Variants in GPR63 observed in about 807,000 individuals in gnomAD.
GPR63 encodes G protein-coupled receptor 63.
A neutral mutation model predicts 23.1 loss-of-function variants in GPR63; 12 were observed. The ratio of observed to expected loss-of-function variants is 0.52; its 90% CI spans 0.33 to 0.84. The LOEUF is 0.84. GPR63 is among the 40% of genes least tolerant of loss of function. The pLI, the probability that GPR63 is intolerant of heterozygous loss-of-function variation, is 0.02. For synonymous variants in GPR63, 172 were observed against 191.1 expected (o/e 0.90, Z 0.82); for missense variants, 472 against 515.6 (o/e 0.92, Z 0.82).
intron 1 of GPR63, among the ~76,000 whole-genome samples, chr6:96,829,360 A>C (rs2127960334): frequency 6.6e-6 from 1 of 152,302 alleles, no homozygotes; most frequent in East Asian, 1.9e-4. Context: ...AGAAATTAGG[A>C]AACATGATTC....
At chr6:96,803,330 C>T (rs1773819055) in intron 1 of GPR63, among the ~76,000 whole-genome samples, 1 of 152,190 alleles carries the variant, frequency 6.6e-6, no homozygotes, top group African/African-American at 2.4e-5. Flanking sequence ...ATATGGAAGC[C>T]TACCCACTGT....
chr6:96,832,673 A>G (rs761973473), intron 1 of GPR63, among the ~76,000 whole-genome samples: 8 of 152,142 alleles, frequency 5.3e-5, no homozygotes, highest in Non-Finnish European at 1.0e-4. Flanking sequence ...ATCAGGAAAA[A>G]TAACTAATGG....
At chr6:96,827,859 G>C (rs183384496) in intron 1 of GPR63, among the ~76,000 whole-genome samples, 1 of 151,896 alleles carries the variant, frequency 6.6e-6, no homozygotes, top group East Asian at 1.9e-4. Flanking sequence ...CTCAGTAAAG[G>C]AAAATTAAAG....
chr6:96,820,006 A>C (rs1343250818), intron 1 of GPR63, among the ~76,000 whole-genome samples: 2 of 151,502 alleles, frequency 1.3e-5, no homozygotes, highest in African/African-American at 2.4e-5. Flanking sequence ...ACAACAACAA[A>C]AAAAATTCGA....
chr6:96,807,895 A>G (rs1366260049), intron 1 of GPR63, among the ~76,000 whole-genome samples: 3 of 152,180 alleles, frequency 2.0e-5, no homozygotes, highest in Non-Finnish European at 4.4e-5. Context: ...ATCCATTTTA[A>G]GGATGATGGA....
At chr6:96,829,423 T>C (rs1774524209) in intron 1 of GPR63, among the ~76,000 whole-genome samples, 1 of 152,210 alleles carries the variant, frequency 6.6e-6, no homozygotes, top group Admixed American at 6.5e-5. Context: ...ACAGGCACGG[T>C]GGCTGATGCC....
intron 1 of GPR63, among the ~76,000 whole-genome samples, chr6:96,814,670 T>C (rs1297596675): frequency 6.6e-6 from 1 of 152,134 alleles, no homozygotes; most frequent in Non-Finnish European, 1.5e-5. Flanking sequence ...ATATAGCAAT[T>C]TGCAATGTTA....
At chr6:96,816,809 G>T (rs936161753) in intron 1 of GPR63, among the ~76,000 whole-genome samples, 3 of 152,142 alleles carry the variant, frequency 2.0e-5, no homozygotes, top group Non-Finnish European at 4.4e-5. Flanking sequence ...TGGCGTTCTG[G>T]GTTCATGGAA....
In GPR63 at chr6:96,799,528, T is replaced by G; in HGVS notation, c.204A>C (p.Thr68=). ...SLTVNSTAVP[T]TPAAFKSLNL... The stretch of plus-strand genomic sequence containing the variant: ...TTAGGCTCTTAAATGCTGCTGGTGT[T>G]GTGGGCACAGCTGTACTATTCACGG... The change falls in exon 2 of 2, where the codon ACA becomes ACC. Residue 68 remains threonine (T), a synonymous_variant. Coordinates refer to ENST00000229955, the MANE Select transcript of GPR63 (RefSeq NM_030784.4). The G allele has an allele frequency of 1.2e-6, 2 of 1,614,130 alleles. No individual in the cohort carries two copies. The highest frequency in any genetic ancestry group is 1.7e-6 in the Non-Finnish European group (2 of 1,180,010).
In GPR63 at chr6:96,798,144, C is replaced by T. The variant is rs770370139; in HGVS notation, c.*328G>A. 39 of 227,740 alleles carry T rather than the reference C, an allele frequency of 1.7e-4. No homozygotes were observed. Among genetic ancestry groups the T allele is most frequent in the Non-Finnish European group, 2.7e-4 (31 of 115,148 alleles). The allele number at this position is 227,740 out of a possible 1,614,324, so 14.1% of individuals were successfully genotyped here. A position where few individuals can be genotyped will look rare whatever the true frequency, so the allele number is the denominator to read the frequency against. On this transcript the variant is annotated 3_prime_UTR_variant, in exon 2 of 2. Transcript: ENST00000229955. ...ACCTTAGCAGCACACGAAACACCTA[C>T]AATTCAATGTAACTGCAGGCTCAAT...
rs527767427 is a variant in GPR63, at chr6:96,798,644, T to C, written c.1088A>G (p.Lys363Arg). The C allele has an allele frequency of 6.2e-7, 1 of 1,614,236 alleles. No individual in the cohort carries two copies. Among genetic ancestry groups the C allele is most frequent in the African/African-American group, 1.3e-5 (1 of 75,056 alleles). Residue 363 changes from lysine (K) to arginine (R), a missense_variant, in exon 2 of 2, where the codon AAG (lysine) becomes AGG (arginine). Lys to Arg is a conservative substitution (Grantham distance 26). Transcript: ENST00000229955. ...STWLLWLCYLKSALNPLIYYW... is the reference protein window; with the variant it reads ...STWLLWLCYLRSALNPLIYYW... ...GTAGATCAGCGGATTCAATGCAGAC[T>C]TGAGGTAGCAGAGCCACAGTAGCCA...
At chr6:96,829,615 G>GT (rs1206635750) in intron 1 of GPR63, among the ~76,000 whole-genome samples, 1 of 152,104 alleles carries the variant, frequency 6.6e-6, no homozygotes, top group Non-Finnish European at 1.5e-5. Flanking sequence ...TGAGGAGATC[G>GT]TTTAAGCCCA....
At chr6:96,836,837 G>C (rs1444997127) in intron 1 of GPR63, among the ~76,000 whole-genome samples, 1 of 152,138 alleles carries the variant, frequency 6.6e-6, no homozygotes, top group Admixed American at 6.5e-5. Flanking sequence ...CTCAAGCAGC[G>C]AGACCACCGT....
chr6:96,834,692 T>C (rs192664602), intron 1 of GPR63, among the ~76,000 whole-genome samples: 1 of 152,326 alleles, frequency 6.6e-6, no homozygotes, highest in East Asian at 1.9e-4. Context: ...ATTACTTCAT[T>C]TCATTTCTAA....
chr6:96,808,062 A>G (rs1773941571), intron 1 of GPR63, among the ~76,000 whole-genome samples: 1 of 152,226 alleles, frequency 6.6e-6, no homozygotes, highest in Admixed American at 6.5e-5. Flanking sequence ...CTAGAAAAAC[A>G]TAATACTTTG....
chr6:96,817,535 C>A (rs1212961237), intron 1 of GPR63, among the ~76,000 whole-genome samples: 1 of 151,992 alleles, frequency 6.6e-6, no homozygotes, highest in African/African-American at 2.4e-5. Flanking sequence ...GATTTGTACA[C>A]CAAAAGTTAA....
chr6:96,807,361 C>G (rs191214979), intron 1 of GPR63, among the ~76,000 whole-genome samples: 2 of 152,232 alleles, frequency 1.3e-5, no homozygotes, highest in South Asian at 4.1e-4. Context: ...TGTGGCAACA[C>G]AGGGACCAAA....
intron 1 of GPR63, among the ~76,000 whole-genome samples, chr6:96,831,751 C>A (rs1447499540): frequency 6.6e-6 from 1 of 151,568 alleles, no homozygotes; most frequent in African/African-American, 2.4e-5. Flanking sequence ...ACGAAAAATA[C>A]AAAAATTAGC....
chr6:96,798,963 C>A lies in GPR63; in HGVS notation c.769G>T (p.Val257Leu). The change falls in exon 2 of 2, where the codon GTA becomes TTA. Residue 257 changes from valine to leucine, a missense_variant. By Grantham distance (32) the Val-to-Leu change is conservative. Transcript: ENST00000229955. ...SLISFFIPFLVILYSFMGILN... is the reference protein window; with the variant it reads ...SLISFFIPFLLILYSFMGILN... The stretch of plus-strand genomic sequence containing the variant: ...ATGCCCATAAATGAGTACAGTATTA[C>A]CAGGAAGGGTATGAAGAAAGAAATG... 6.2e-7 allele frequency: 1 copy of A among 1,614,010 alleles called. No individual in the cohort carries two copies.
Sources: gnomAD v4.1 joint callset for allele counts (sites outside exome capture counted in the v4.1 genomes callset) on GRCh38, gnomAD v4.1.1 for gene constraint, MANE v1.5 for transcripts, NCBI Gene and HGNC (gene_info 2026-07-23, HGNC 2026-07-21) for gene names.